GJC3: variants seen among roughly 807,000 people sequenced by gnomAD.
GJC3 encodes the protein gap junction protein gamma 3, also known as gap junction gamma-3 protein.
In GJC3, 17 loss-of-function variants were observed where a neutral mutation model predicts 19.8. The ratio of observed to expected loss-of-function variants is 0.86; its 90% CI spans 0.59 to 1.29. The LOEUF is 1.29. GJC3 is among the 50% of genes most tolerant of loss of function. The pLI, the probability that GJC3 is intolerant of heterozygous loss-of-function variation, is 0.00. For synonymous variants in GJC3, 140 were observed against 136.5 expected (o/e 1.03, Z -0.18); for missense variants, 317 against 332.5 (o/e 0.95, Z 0.36).
At chr7:99,925,055 G>A (rs948895126) in intron 1 of GJC3, among the ~76,000 whole-genome samples, 1 of 152,050 alleles carries the variant, frequency 6.6e-6, no homozygotes, top group Admixed American at 6.6e-5. Context: ...TGGTTAATGG[G>A]TACAAAAAAT....
chr7:99,929,647 T>G, upstream of GJC3: 1 of 1,577,796 alleles, frequency 6.3e-7, no homozygotes, highest in Non-Finnish European at 8.6e-7. Context: ...GGACAAGAGA[T>G]CAGTGTTGTT....
intron 1 of GJC3, among the ~76,000 whole-genome samples, chr7:99,924,986 C>A (rs759791121): frequency 6.6e-6 from 1 of 152,116 alleles, no homozygotes; most frequent in South Asian, 2.1e-4. Context: ...TTCTTATTAT[C>A]TGTATATCTT....
chr7:99,928,925 G>A lies in GJC3; in HGVS notation c.696C>T (p.Phe232=). ...GTCTTCTGGTGCTCTCTGAAGTTAG[G>A]AAGTATTTAGAAGAGGAAGATTTGT... ...WKHKSSSSKY[F]LTSESTRRHK... The change falls in exon 1 of 2, where the codon TTC becomes TTT. Residue 232 remains phenylalanine, a synonymous_variant. Transcript: ENST00000312891. 1 of 1,614,104 alleles carries A rather than the reference G, an allele frequency of 6.2e-7. No individual in the cohort carries two copies. Among genetic ancestry groups the A allele is most frequent in the Non-Finnish European group, 8.5e-7 (1 of 1,179,988 alleles).
Position 99,928,839 on chromosome 7 carries a change from C to T in GJC3, c.781+1G>A, listed in dbSNP as rs1819847636. On this transcript the variant is annotated splice_donor_variant, in intron 1 of 1. Transcript: ENST00000312891. LOFTEE classifies it high-confidence loss of function. ...ACAGGAAGAGAGCGTGTCCTTCTCACCTGCTTCTTGAAATTGCTCTTTGGT... is the reference window on the plus strand; with the variant it reads ...ACAGGAAGAGAGCGTGTCCTTCTCATCTGCTTCTTGAAATTGCTCTTTGGT... The T allele has an allele frequency of 5.0e-6, 8 of 1,613,698 alleles. No individual in the cohort carries two copies. The highest frequency in any genetic ancestry group is 3.4e-6 in the Non-Finnish European group (4 of 1,179,840).
rs73711684 is a variant in GJC3 at position 99,923,639 on chromosome 7, A to T, written c.782-36T>A. On this transcript the variant is annotated intron_variant, in intron 1 of 1. Transcript: ENST00000312891. ...CAAAAATTCAAGATGTAACAGTTACAAGTGTGTAACTTTTTCACAGTGCGT... is the reference window on the plus strand; with the variant it reads ...CAAAAATTCAAGATGTAACAGTTACTAGTGTGTAACTTTTTCACAGTGCGT... 582 of 779,382 alleles carry T rather than the reference A, an allele frequency of 7.5e-4. 1 individual carries two copies. In the African/African-American group the frequency reaches 8.4e-3, roughly 11 times the overall value. The allele number at this position is 779,382 out of a possible 1,614,324, so 48.3% of individuals were successfully genotyped here.
chr7:99,925,833 A>G (rs1477748191), intron 1 of GJC3, among the ~76,000 whole-genome samples: 2 of 152,264 alleles, frequency 1.3e-5, no homozygotes, highest in Non-Finnish European at 2.9e-5. Flanking sequence ...ACAATGAGAT[A>G]CCACTTCACA....
intron 1 of GJC3, among the ~76,000 whole-genome samples, chr7:99,927,135 A>G (rs1054044895): frequency 1.9e-4 from 29 of 152,212 alleles, no homozygotes; most frequent in Admixed American, 9.8e-4. Flanking sequence ...GGGACAGGCA[A>G]TTTCCCATCT....
chr7:99,930,126 C>T (rs531302848), upstream of GJC3, among the ~76,000 whole-genome samples: 1 of 152,356 alleles, frequency 6.6e-6, no homozygotes, highest in African/African-American at 2.4e-5. Flanking sequence ...CTTCTTTTCT[C>T]TTCCTCCATG....
In GJC3 at chr7:99,929,596, G is replaced by A. The variant is rs757172681; in HGVS notation, c.25C>T (p.Leu9=). MCGRFLRR[L]LAEESRRSTP... ...GAGCGCCGGCTCTCCTCCGCCAGCA[G>A]CCGCCGCAGGAACCTGCCACACATC... is the stretch of plus-strand genomic sequence containing the variant. The change falls in exon 1 of 2, where the codon CTG becomes TTG. Residue 9 remains leucine, a synonymous_variant. Transcript: ENST00000312891. 3 of 1,608,288 alleles carry A rather than the reference G, an allele frequency of 1.9e-6. No homozygotes were observed. The highest frequency in any genetic ancestry group is 1.7e-6 in the Non-Finnish European group (2 of 1,179,204).
chr7:99,925,452 A>T (rs887812079), intron 1 of GJC3, among the ~76,000 whole-genome samples: 1 of 152,236 alleles, frequency 6.6e-6, no homozygotes, highest in African/African-American at 2.4e-5. Flanking sequence ...ATGGAAACAT[A>T]GGCATTAATC....
chr7:99,926,024 A>G (rs950403190), intron 1 of GJC3, among the ~76,000 whole-genome samples: 1 of 152,206 alleles, frequency 6.6e-6, no homozygotes, highest in Non-Finnish European at 1.5e-5. Flanking sequence ...AGAACTGACA[A>G]CATGTGTTTA....
chr7:99,924,556 G>T (rs1819753548), intron 1 of GJC3, among the ~76,000 whole-genome samples: 1 of 152,178 alleles, frequency 6.6e-6, no homozygotes, highest in South Asian at 2.1e-4. Context: ...ACTCCAGCCT[G>T]GGCGATGAGC....
upstream of GJC3, among the ~76,000 whole-genome samples, chr7:99,930,570 A>G (rs186938436): frequency 4.8e-4 from 73 of 152,240 alleles, no homozygotes; most frequent in Non-Finnish European, 7.4e-4. Flanking sequence ...GCCTTCCCCA[A>G]TGCCCAGCAG....
intron 1 of GJC3, 54 bp downstream of exon 1, chr7:99,928,786 G>C (rs1819846695): frequency 1.3e-6 from 2 of 1,547,418 alleles, no homozygotes; most frequent in Admixed American, 3.3e-5. Flanking sequence ...TGCCCCGGGA[G>C]GAGATCATCA....
Position 99,929,601 on chromosome 7 carries a change from C to A in GJC3, c.20G>T (p.Arg7Leu). 1.2e-6 allele frequency: 2 copies of A among 1,608,928 alleles called. No individual in the cohort carries two copies. Among genetic ancestry groups the A allele is most frequent in the Non-Finnish European group, 1.7e-6 (2 of 1,179,354 alleles). Residue 7 changes from arginine to leucine, a missense_variant, in exon 1 of 2, where the codon CGG becomes CTG. Physicochemically the swap from Arg to Leu is moderately radical, Grantham distance 102. Coordinates refer to ENST00000312891, the MANE Select transcript of GJC3 (RefSeq NM_181538.3). ...CCGGCTCTCCTCCGCCAGCAGCCGC[C>A]GCAGGAACCTGCCACACATCCTGTT... MCGRFL[R>L]RLLAEESRRS... is the part of the protein sequence containing the mutation.
intron 1 of GJC3, among the ~76,000 whole-genome samples, chr7:99,928,241 G>C (rs1819838704): frequency 6.6e-6 from 1 of 152,256 alleles, no homozygotes; most frequent in South Asian, 2.1e-4. Context: ...TATTTATTGA[G>C]CAGGACAGGG....
Position 99,928,709 on chromosome 7 carries a change from C to A in GJC3, c.781+131G>T, listed in dbSNP as rs1819845284. 8.6e-6 allele frequency: 7 copies of A among 818,544 alleles called. No individual in the cohort carries two copies. The Admixed American group carries it at 1.4e-4, about 16-fold the overall frequency. The allele number at this position is 818,544 out of a possible 1,614,324, so 50.7% of individuals were successfully genotyped here. A position where few individuals can be genotyped will look rare whatever the true frequency, so the allele number is the denominator to read the frequency against. On this transcript the variant is annotated intron_variant, in intron 1 of 1. Coordinates refer to ENST00000312891, the MANE Select transcript of GJC3 (RefSeq NM_181538.3). ...GTTGGGAGTGGCGGTCAGAACACAT[C>A]TGCCTAGAACCTGGTTACCTACTTT... is the stretch of plus-strand genomic sequence containing the variant.
intron 1 of GJC3, among the ~76,000 whole-genome samples, chr7:99,925,720 A>G (rs929451700): frequency 2.0e-5 from 3 of 152,260 alleles, no homozygotes; most frequent in Non-Finnish European, 2.9e-5. Flanking sequence ...AAATGGGAAA[A>G]GGATTTGAAT....
At chr7:99,930,443 C>G (rs1424692825), upstream of GJC3, among the ~76,000 whole-genome samples, 1 of 152,196 alleles carries the variant, frequency 6.6e-6, no homozygotes, top group African/African-American at 2.4e-5. Context: ...TTATCTCCCT[C>G]ATGGTGACAG....
Sources: allele counts gnomAD v4.1 joint callset (sites outside exome capture counted in the v4.1 genomes callset), GRCh38; gene constraint gnomAD v4.1.1; transcripts MANE v1.5; gene names NCBI Gene and HGNC (gene_info 2026-07-23, HGNC 2026-07-21).